Variants in ARRDC4 observed in about 807,000 individuals in gnomAD.
The protein encoded by ARRDC4 is arrestin domain containing 4.
A neutral mutation model predicts 44.6 loss-of-function variants in ARRDC4; 40 were observed. That is an observed-to-expected ratio of 0.90 (90% CI 0.70 to 1.17). The LOEUF is 1.17. Ranked by LOEUF, ARRDC4 falls within the 50% of genes most tolerant of loss-of-function variation. The pLI is 0.00. For synonymous variants in ARRDC4, 211 were observed against 221.2 expected (o/e 0.95, Z 0.41); for missense variants, 550 against 559.1 (o/e 0.98, Z 0.16).
chr15:97,960,726 G>A lies in ARRDC4; in HGVS notation c.-136G>A, dbSNP rs1237835384. 5.5e-6 allele frequency: 4 copies of A among 725,084 alleles called. No homozygotes were observed. The highest frequency in any genetic ancestry group is 6.3e-5 in the South Asian group (1 of 15,958). The allele number at this position is 725,084 out of a possible 1,614,324, so 44.9% of individuals were successfully genotyped here. ...GCGACAGGCCTCTCGGCGAGCCGGT[G>A]CCCCATCGGGTACCGCACGGCTGCC... On this transcript the variant is annotated 5_prime_UTR_variant, in exon 1 of 8. Transcript: ENST00000268042.
At chr15:97,961,758 C>G (rs554873395) in intron 1 of ARRDC4, among the ~76,000 whole-genome samples, 7 of 152,156 alleles carry the variant, frequency 4.6e-5, no homozygotes, top group Non-Finnish European at 8.8e-5. Flanking sequence ...CCTGATACTG[C>G]TGCTGTTTCC....
Position 97,971,230 on chromosome 15 carries a change from T to C in ARRDC4, c.*43T>C, listed in dbSNP as rs200662277. On this transcript the variant is annotated 3_prime_UTR_variant, in exon 8 of 8. Transcript: ENST00000268042. ...CTGTGTTCATCATCAAATTAGAATG[T>C]TGGTTCTTTTCCTTCTGCCTTTTTG... 38 of 1,580,626 alleles carry C rather than the reference T, an allele frequency of 2.4e-5. No individual in the cohort carries two copies. The Admixed American group carries it at 5.9e-4, about 24-fold the overall frequency.
Position 97,968,500 on chromosome 15 carries a change from G to T in ARRDC4, c.625+384G>T, listed in dbSNP as rs1899456015. Among the ~76,000 whole-genome samples, 1 of 152,198 alleles carries T rather than the reference G, an allele frequency of 6.6e-6. No individual in the cohort carries two copies. Among genetic ancestry groups the T allele is most frequent in the Non-Finnish European group, 1.5e-5 (1 of 68,036 alleles). ...CCATGCTGGCTTGATATATGCAAAT[G>T]CATGGGACTGGAATGTAGTGTATTA... On this transcript the variant is annotated intron_variant, in intron 4 of 7. Transcript: ENST00000268042. This position sits in a 1 kb window ranked among gnomAD's most constrained non-coding sequence, Gnocchi z 5.4.
In ARRDC4 at chr15:97,967,935, A is replaced by T. The variant is rs1899444967; in HGVS notation, c.523-79A>T. 5 of 877,264 alleles carry T rather than the reference A, an allele frequency of 5.7e-6. No homozygotes were observed. The South Asian group carries it at 9.8e-5, about 17-fold the overall frequency. 54.3% of individuals were successfully genotyped at this position (877,264 alleles called of 1,614,324 possible). A position where few individuals can be genotyped will look rare whatever the true frequency, so the allele number is the denominator to read the frequency against. ...GGTATTTCCTTACAACCATTCTGTG[A>T]AGATAGATATAATTTTAAGTTCTAT... On this transcript the variant is annotated intron_variant, in intron 3 of 7. Transcript: ENST00000268042. The surrounding 1 kb of genome is among the most constrained non-coding windows in gnomAD (Gnocchi z 5.0).
Position 97,961,073 on chromosome 15 carries a change from C to A in ARRDC4, c.212C>A (p.Thr71Asn). The change falls in exon 1 of 8, where the codon ACC becomes AAC. Residue 71 changes from threonine (T) to asparagine (N), a missense_variant. Physicochemically the swap from Thr to Asn is moderately conservative, Grantham distance 65 (BLOSUM62 0). Coordinates refer to ENST00000268042, the MANE Select transcript of ARRDC4 (RefSeq NM_183376.3). ...GRATAAWGPS[T>N]CPRASASTAA... ...GCCACCGCCGCCTGGGGCCCGAGCA[C>A]CTGCCCCCGCGCCTCGGCCAGCACC... The A allele has an allele frequency of 7.0e-7, 1 of 1,434,180 alleles. No homozygotes were observed. The highest frequency in any genetic ancestry group is 9.1e-7 in the Non-Finnish European group (1 of 1,099,614). The allele number at this position is 1,434,180 out of a possible 1,614,324, so 88.8% of individuals were successfully genotyped here.
chr15:97,973,465 A>C lies in ARRDC4; in HGVS notation c.*2278A>C, dbSNP rs947601480. 28 of 152,532 alleles carry C rather than the reference A, an allele frequency of 1.8e-4. No homozygotes were observed. Among genetic ancestry groups the C allele is most frequent in the African/African-American group, 6.3e-4 (26 of 41,456 alleles). The allele number at this position is 152,532 out of a possible 1,614,324, so 9.4% of individuals were successfully genotyped here. A position where few individuals can be genotyped will look rare whatever the true frequency, so the allele number is the denominator to read the frequency against. On this transcript the variant is annotated 3_prime_UTR_variant, in exon 8 of 8. Coordinates refer to ENST00000268042, the MANE Select transcript of ARRDC4 (RefSeq NM_183376.3). Reference sequence around the variant, plus strand: ...TATGAATGTGGAGAATTCTACATTGAAACAGAAAATACCTGGGAATGAAGA... The same window carrying C: ...TATGAATGTGGAGAATTCTACATTGCAACAGAAAATACCTGGGAATGAAGA...
In ARRDC4 at chr15:97,971,414, A is replaced by C; in HGVS notation, c.*227A>C. The C allele has an allele frequency of 2.0e-6, 1 of 512,540 alleles. No individual in the cohort carries two copies. The allele number at this position is 512,540 out of a possible 1,614,324, so 31.7% of individuals were successfully genotyped here. ...ATATCCCTGTTAAAAACTGGGATGA[A>C]GATGTGCAAAGTCACAGAATGTAAT... On this transcript the variant is annotated 3_prime_UTR_variant, in exon 8 of 8. Transcript: ENST00000268042.
At position 97,973,289 on chromosome 15, in the gene ARRDC4, C is replaced by A. The variant is rs1347802901; in HGVS notation, c.*2102C>A. Reference sequence around the variant, plus strand: ...GAATCCTTCACTAGGATTGTCTTATCACCTTTATTAGATAAATCATGAAGT... The same window carrying A: ...GAATCCTTCACTAGGATTGTCTTATAACCTTTATTAGATAAATCATGAAGT... On this transcript the variant is annotated 3_prime_UTR_variant, in exon 8 of 8. Transcript: ENST00000268042. The A allele has an allele frequency of 6.6e-6, 1 of 152,544 alleles. No individual in the cohort carries two copies. Among genetic ancestry groups the A allele is most frequent in the Non-Finnish European group, 1.5e-5 (1 of 68,010 alleles). The allele number at this position is 152,544 out of a possible 1,614,324, so 9.4% of individuals were successfully genotyped here. A position where few individuals can be genotyped will look rare whatever the true frequency, so the allele number is the denominator to read the frequency against.
rs1217287375 is a variant in ARRDC4, at chr15:97,966,558, A to G, written c.522+516A>G. ...GTAAGTGCATGCAGCTGCCGCCGAG[A>G]TCCTTTCACTTATCATTTCCTTATG... On this transcript the variant is annotated intron_variant, in intron 3 of 7. Transcript: ENST00000268042. The surrounding 1 kb of genome is among the most constrained non-coding windows in gnomAD (Gnocchi z 4.7). Among the ~76,000 whole-genome samples, 1 of 152,162 alleles carries G rather than the reference A, an allele frequency of 6.6e-6. No individual in the cohort carries two copies.
At chr15:97,962,856 G>C (rs776793615) in intron 1 of ARRDC4, among the ~76,000 whole-genome samples, 1 of 152,082 alleles carries the variant, frequency 6.6e-6, no homozygotes, top group Non-Finnish European at 1.5e-5. Flanking sequence ...TACAAAACCT[G>C]GCTGTGTTTC....
rs1281973081 is a variant in ARRDC4 at position 97,970,727 on chromosome 15, C to T, written c.1184C>T (p.Pro395Leu). 6.2e-7 allele frequency: 1 copy of T among 1,612,738 alleles called. No individual in the cohort carries two copies. The highest frequency in any genetic ancestry group is 1.3e-5 in the African/African-American group (1 of 74,872). Residue 395 changes from proline to leucine, a missense_variant, in exon 7 of 8, where the codon CCA becomes CTA. Transcript: ENST00000268042. This position sits in a 1 kb window ranked among gnomAD's most constrained non-coding sequence, Gnocchi z 4.2. ...ATACAAGAATTCCGGTTTCAACCCC[C>T]ACCTCTTTATTCAGAGGTAAGCAAA... Reference protein sequence around the residue: ...ACIQEFRFQPPPLYSEVDPHP... With the variant: ...ACIQEFRFQPLPLYSEVDPHP...
In ARRDC4 at chr15:97,965,726, A is replaced by G; in HGVS notation, c.374+60A>G. On this transcript the variant is annotated intron_variant, in intron 2 of 7. Transcript: ENST00000268042. The surrounding 1 kb of genome is among the most constrained non-coding windows in gnomAD (Gnocchi z 5.1). Reference sequence around the variant, plus strand: ...CTCTGCAGTATGTCCATTCAAGTTTATCACTGCTAGGTCTCTTCTGATTCT... The same window carrying G: ...CTCTGCAGTATGTCCATTCAAGTTTGTCACTGCTAGGTCTCTTCTGATTCT... The G allele has an allele frequency of 2.6e-6, 4 of 1,526,522 alleles. No individual in the cohort carries two copies. Among genetic ancestry groups the G allele is most frequent in the Non-Finnish European group, 3.6e-6 (4 of 1,100,576 alleles). The allele number at this position is 1,526,522 out of a possible 1,614,324, so 94.6% of individuals were successfully genotyped here. A position where few individuals can be genotyped will look rare whatever the true frequency, so the allele number is the denominator to read the frequency against.
chr15:97,970,571 A>G lies in ARRDC4; in HGVS notation c.1046-18A>G, dbSNP rs1301184710. 1.3e-6 allele frequency: 2 copies of G among 1,590,194 alleles called. No individual in the cohort carries two copies. Among genetic ancestry groups the G allele is most frequent in the Non-Finnish European group, 1.7e-6 (2 of 1,164,516 alleles). ...TTTTTGAGTGGATTTCTTAACTCCA[A>G]CTTCATTTCTATTTCAGCACCACCA... On this transcript the variant is annotated intron_variant, in intron 6 of 7. Coordinates refer to ENST00000268042, the MANE Select transcript of ARRDC4 (RefSeq NM_183376.3). The surrounding 1 kb of genome is among the most constrained non-coding windows in gnomAD (Gnocchi z 4.2).
chr15:97,963,736 C>T (rs1202886645), intron 1 of ARRDC4, among the ~76,000 whole-genome samples: 1 of 152,204 alleles, frequency 6.6e-6, no homozygotes, highest in African/African-American at 2.4e-5. Flanking sequence ...TGAGGATTAT[C>T]TGCGGTGCCT....
intron 5 of ARRDC4, 115 bp downstream of exon 5, chr15:97,969,494 C>G (rs888099440): frequency 5.1e-6 from 6 of 1,167,838 alleles, no homozygotes; most frequent in Admixed American, 4.5e-5. Context: ...AGCATTAACA[C>G]CAATTGGGGA....
At position 97,970,590 on chromosome 15, in the gene ARRDC4, A is replaced by T. The variant is rs760936532; in HGVS notation, c.1047A>T (p.Ala349=). 1 of 1,603,618 alleles carries T rather than the reference A, an allele frequency of 6.2e-7. No individual in the cohort carries two copies. Among genetic ancestry groups the T allele is most frequent in the East Asian group, 2.2e-5 (1 of 44,708 alleles). Residue 349 remains alanine, a splice_region_variant and synonymous_variant, in exon 7 of 8, where the codon GCA becomes GCT. Transcript: ENST00000268042. The surrounding 1 kb of genome is among the most constrained non-coding windows in gnomAD (Gnocchi z 4.2). ...LTLTLPEQPE[A]PPNYADVVSE... is the part of the protein sequence containing the mutation. ...ACTCCAACTTCATTTCTATTTCAGC[A>T]CCACCAAATTATGCAGATGTGGTAT...
intron 1 of ARRDC4, among the ~76,000 whole-genome samples, chr15:97,964,600 C>T (rs747414934): frequency 1.3e-5 from 2 of 152,062 alleles, no homozygotes; most frequent in Non-Finnish European, 2.9e-5. Context: ...TGCATTTTGG[C>T]CTTCTCACAA....
At chr15:97,962,520 G>A (rs1313507057) in intron 1 of ARRDC4, among the ~76,000 whole-genome samples, 2 of 152,158 alleles carry the variant, frequency 1.3e-5, no homozygotes, top group Non-Finnish European at 2.9e-5. Flanking sequence ...GTCAATAGAT[G>A]TAAAATTAAA....
chr15:97,970,984 C>A lies in ARRDC4; in HGVS notation c.1201-147C>A. 1.0e-6 allele frequency: 1 copy of A among 959,924 alleles called. No homozygotes were observed. The highest frequency in any genetic ancestry group is 1.6e-6 in the Non-Finnish European group (1 of 625,676). 59.5% of individuals were successfully genotyped at this position (959,924 alleles called of 1,614,324 possible). On this transcript the variant is annotated intron_variant, in intron 7 of 7. Coordinates refer to ENST00000268042, the MANE Select transcript of ARRDC4 (RefSeq NM_183376.3). The surrounding 1 kb of genome is among the most constrained non-coding windows in gnomAD (Gnocchi z 4.2). Reference sequence around the variant, plus strand: ...TTGCCTTTAAGGTGTGTTATTTGGCCATGGAATATAGAGAACTTAAGCACC... The same window carrying A: ...TTGCCTTTAAGGTGTGTTATTTGGCAATGGAATATAGAGAACTTAAGCACC...
Sources: gnomAD v4.1 joint callset for allele counts (sites outside exome capture counted in the v4.1 genomes callset) on GRCh38, gnomAD v4.1.1 for gene constraint, Gnocchi (gnomAD v3.1) non-coding constraint, MANE v1.5 for transcripts, NCBI Gene and HGNC (gene_info 2026-07-23, HGNC 2026-07-21) for gene names.